RAB3C: variants seen among roughly 807,000 people sequenced by gnomAD.
RAB3C encodes the protein RAB3C, member RAS oncogene family, also known as ras-related protein Rab-3C.
RAB3C carries 17 observed loss-of-function variants against 26.4 expected under a neutral mutation model. The ratio of observed to expected loss-of-function variants is 0.64; its 90% CI spans 0.44 to 0.97. The LOEUF is 0.97. Ranked by LOEUF, RAB3C falls within the 50% of genes least tolerant of loss-of-function variation. The pLI is 0.00. For missense variants in RAB3C, 242 were observed against 281.9 expected, an observed-to-expected ratio of 0.86 and a Z score of 1.01; for synonymous variants, 91 against 95.9, an observed-to-expected ratio of 0.95 and a Z score of 0.30.
intron 3 of RAB3C, among the ~76,000 whole-genome samples, chr5:58,798,547 C>G (rs1460573978): frequency 6.6e-6 from 1 of 152,150 alleles, no homozygotes; most frequent in Non-Finnish European, 1.5e-5. Context: ...AAATTCCACA[C>G]CTGACCTCAT....
intron 2 of RAB3C, among the ~76,000 whole-genome samples, chr5:58,719,345 G>A (rs1443887428): frequency 1.3e-5 from 2 of 151,914 alleles, no homozygotes; most frequent in African/African-American, 4.8e-5. Context: ...GTGGATTTTA[G>A]CATAACATCT....
At chr5:58,592,937 A>G (rs1020153095) in intron 1 of RAB3C, among the ~76,000 whole-genome samples, 12 of 152,154 alleles carry the variant, frequency 7.9e-5, no homozygotes, top group African/African-American at 1.9e-4. Flanking sequence ...TCTCAGATAC[A>G]TAAGTTTATA....
intron 2 of RAB3C, among the ~76,000 whole-genome samples, chr5:58,624,256 C>T (rs1747007307): frequency 6.6e-6 from 1 of 152,072 alleles, no homozygotes; most frequent in African/African-American, 2.4e-5. Context: ...GGCCTGAGCA[C>T]AGCACACACA....
intron 3 of RAB3C, among the ~76,000 whole-genome samples, chr5:58,728,804 G>A (rs1306838339): frequency 6.6e-6 from 1 of 151,924 alleles, no homozygotes; most frequent in Non-Finnish European, 1.5e-5. Flanking sequence ...CACTAACATA[G>A]TGGACAGTGC....
chr5:58,734,083 A>C (rs1741085951), intron 3 of RAB3C, among the ~76,000 whole-genome samples: 1 of 152,196 alleles, frequency 6.6e-6, no homozygotes, highest in Admixed American at 6.6e-5. Context: ...TCAGAGGCTG[A>C]GGATAAAAGT....
chr5:58,789,290 G>A (rs1352927767), intron 3 of RAB3C, among the ~76,000 whole-genome samples: 3 of 152,016 alleles, frequency 2.0e-5, no homozygotes, highest in Admixed American at 6.6e-5. Context: ...CCCTGACAGT[G>A]AATGACAGAA....
At chr5:58,764,158 G>A (rs1741851161) in intron 3 of RAB3C, among the ~76,000 whole-genome samples, 1 of 152,196 alleles carries the variant, frequency 6.6e-6, no homozygotes. Context: ...CAGAAGTACA[G>A]TATCAAACTT....
chr5:58,725,818 T>C (rs1409449256), intron 2 of RAB3C, among the ~76,000 whole-genome samples, 184 bp from the exon 3 acceptor site: 1 of 151,882 alleles, frequency 6.6e-6, no homozygotes, highest in African/African-American at 2.4e-5. Flanking sequence ...TCTACATCTA[T>C]TATGTATCAG....
intron 1 of RAB3C, among the ~76,000 whole-genome samples, chr5:58,587,360 C>T (rs1220944812): frequency 6.6e-6 from 1 of 152,002 alleles, no homozygotes; most frequent in Non-Finnish European, 1.5e-5. Flanking sequence ...GCAGCTGGGC[C>T]ACCTCAAAAA....
intron 3 of RAB3C, among the ~76,000 whole-genome samples, chr5:58,809,999 A>T (rs1743033214): frequency 6.6e-6 from 1 of 152,202 alleles, no homozygotes; most frequent in Admixed American, 6.5e-5. Context: ...CTTGCAGAAC[A>T]GTTGGAGCAA....
chr5:58,642,402 A>G (rs1327319129), intron 2 of RAB3C, among the ~76,000 whole-genome samples: 5 of 152,082 alleles, frequency 3.3e-5, no homozygotes, highest in Non-Finnish European at 1.5e-5. Context: ...TCTTATAACT[A>G]TTTCTGTCGA....
intron 3 of RAB3C, among the ~76,000 whole-genome samples, chr5:58,789,059 G>C (rs1292070696): frequency 1.3e-5 from 2 of 152,026 alleles, no homozygotes. Flanking sequence ...GCAGCCAGGG[G>C]AAAGAAATAG....
At chr5:58,606,057 G>A (rs773711036) in intron 1 of RAB3C, among the ~76,000 whole-genome samples, 5 of 152,174 alleles carry the variant, frequency 3.3e-5, no homozygotes, top group Non-Finnish European at 7.4e-5. Flanking sequence ...TTGGACAGTG[G>A]GTGCAGCCCA....
At chr5:58,797,356 ATGTAT>A (rs1742687066) in intron 3 of RAB3C, among the ~76,000 whole-genome samples, 369 of 33,800 alleles carry the variant, frequency 0.011, 21 homozygotes, top group Middle Eastern at 0.075. Flanking sequence ...AAAAAAAAAT[ATGTAT>A]ATATATAATA....
rs1346158038 is a variant in RAB3C at position 58,591,958 on chromosome 5, G to A, written c.24+8726G>A. Among the ~76,000 whole-genome samples, 8 of 148,874 alleles carry A rather than the reference G, an allele frequency of 5.4e-5. No individual in the cohort carries two copies. The East Asian group carries it at 1.4e-3, about 26-fold the overall frequency. On this transcript the variant is annotated intron_variant, in intron 1 of 4. Coordinates refer to ENST00000282878, the MANE Select transcript of RAB3C (RefSeq NM_138453.4). ...TTGTTGCGCAGGCTGGAGTGCAGTG[G>A]CACGATCTCGGCTCACTGCAACCTC...
chr5:58,824,848 T>C (rs1237748847), intron 3 of RAB3C, among the ~76,000 whole-genome samples, 190 bp from the exon 4 acceptor site: 1 of 152,186 alleles, frequency 6.6e-6, no homozygotes, highest in Non-Finnish European at 1.5e-5. Flanking sequence ...TTTTGACTCA[T>C]GCAATCTCTG....
At chr5:58,786,360 G>T (rs1742380966) in intron 3 of RAB3C, among the ~76,000 whole-genome samples, 1 of 152,052 alleles carries the variant, frequency 6.6e-6, no homozygotes, top group African/African-American at 2.4e-5. Flanking sequence ...CAGCTGGCTG[G>T]TCCATCATCC....
chr5:58,678,480 A>T (rs1428696755), intron 2 of RAB3C, among the ~76,000 whole-genome samples: 1 of 152,198 alleles, frequency 6.6e-6, no homozygotes, highest in Non-Finnish European at 1.5e-5. Context: ...TGGCAAGATA[A>T]GTCACTGACA....
chr5:58,643,316 T>G (rs1747449580), intron 2 of RAB3C, among the ~76,000 whole-genome samples: 1 of 152,204 alleles, frequency 6.6e-6, no homozygotes. Flanking sequence ...TCAATCTTAT[T>G]TCAATATGGA....
Sources: allele counts gnomAD v4.1 joint callset (sites outside exome capture counted in the v4.1 genomes callset), GRCh38; gene constraint gnomAD v4.1.1; transcripts MANE v1.5; gene names NCBI Gene and HGNC (gene_info 2026-07-23, HGNC 2026-07-21).